The following NHSL1 variants were observed in gnomAD, a reference collection of about 807,000 sequenced individuals.
The protein encoded by NHSL1 is NHS like 1.
A neutral mutation model predicts 95.0 loss-of-function variants in NHSL1; 48 were observed. That is an observed-to-expected ratio of 0.51 (90% CI 0.40 to 0.64). The LOEUF (loss-of-function observed/expected upper bound fraction) is 0.64, where lower values mean the gene tolerates loss of function less well. Among genes scored for constraint, NHSL1 ranks in the 30% least tolerant of loss-of-function variants. The pLI, the probability that NHSL1 is intolerant of heterozygous loss-of-function variation, is 0.00. For missense variants in NHSL1, 1,971 were observed against 2,077.7 expected, an observed-to-expected ratio of 0.95 and a Z score of 1.00; for synonymous variants, 783 against 833.9, an observed-to-expected ratio of 0.94 and a Z score of 1.05.
Position 138,670,029 on chromosome 6 carries a change from G to A in NHSL1, c.96+22447C>T, listed in dbSNP as rs574405213. 3.3e-5 allele frequency among the ~76,000 whole-genome samples: 5 copies of A among 152,318 alleles called. No homozygotes were observed. The South Asian group carries it at 1.0e-3, about 32-fold the overall frequency. ...CCAGCTACTTGGGAGACTGAGGCAG[G>A]AGAACTGCTTGAACCCAGGAGGTGG... is the stretch of plus-strand genomic sequence containing the variant. On this transcript the variant is annotated intron_variant, in intron 1 of 3. Transcript: ENST00000491526.
At chr6:138,489,029 G>A (rs1179774615) in intron 2 of NHSL1, among the ~76,000 whole-genome samples, 2 of 152,192 alleles carry the variant, frequency 1.3e-5, no homozygotes, top group Non-Finnish European at 2.9e-5. Flanking sequence ...TGGATGAAAT[G>A]AACCTGAGTA....
At chr6:138,480,829 C>T (rs1427163775) in intron 2 of NHSL1, among the ~76,000 whole-genome samples, 1 of 152,084 alleles carries the variant, frequency 6.6e-6, no homozygotes, top group Non-Finnish European at 1.5e-5. Context: ...ATTTTTAAAG[C>T]TAATACTACT....
intron 3 of NHSL1, among the ~76,000 whole-genome samples, chr6:138,449,233 A>G (rs1375954873): frequency 6.6e-6 from 1 of 152,234 alleles, no homozygotes; most frequent in Non-Finnish European, 1.5e-5. Flanking sequence ...AGGGCCCTAG[A>G]CTAAGAATCC....
chr6:138,500,287 A>G (rs1780604722), upstream of NHSL1, among the ~76,000 whole-genome samples: 1 of 152,236 alleles, frequency 6.6e-6, no homozygotes, highest in Non-Finnish European at 1.5e-5. Flanking sequence ...TACCATCCAG[A>G]GTGCTGGTTC....
Position 138,588,552 on chromosome 6 carries a change from A to G in NHSL1, c.97-92181T>C, listed in dbSNP as rs556747543. Among the ~76,000 whole-genome samples, 3 of 152,278 alleles carry G rather than the reference A, an allele frequency of 2.0e-5. No homozygotes were observed. In the South Asian group the frequency reaches 6.2e-4, roughly 32 times the overall value. ...AAGTAAAGCCATTTTCCAAGGTCAT[A>G]CCCCTCCAACAGCATGGAGCTTGAA... On this transcript the variant is annotated intron_variant, in intron 1 of 3. Transcript: ENST00000491526.
At chr6:138,507,896 A>G (rs1781039158) in intron 1 of NHSL1, among the ~76,000 whole-genome samples, 2 of 152,210 alleles carry the variant, frequency 1.3e-5, no homozygotes, top group South Asian at 4.1e-4. Context: ...GGGGAACCTT[A>G]GGAGATGATA....
chr6:138,505,652 CA>C (rs10559023), intron 1 of NHSL1, among the ~76,000 whole-genome samples: 36,225 of 87,412 alleles, frequency 0.41, 3,435 homozygotes, highest in East Asian at 0.62. Flanking sequence ...GACTCCATTT[CA>C]AAAAAAAAAA....
At chr6:138,451,290 C>T (rs542799413) in intron 3 of NHSL1, among the ~76,000 whole-genome samples, 1 of 152,288 alleles carries the variant, frequency 6.6e-6, no homozygotes, top group East Asian at 1.9e-4. Flanking sequence ...TGAAATGCTC[C>T]TCCCGTAGAC....
chr6:138,644,101 AACTT>A, intron 1 of NHSL1, among the ~76,000 whole-genome samples: 1 of 152,314 alleles, frequency 6.6e-6, no homozygotes, highest in East Asian at 1.9e-4. Flanking sequence ...TTACAAACAA[AACTT>A]ACTTCTCAAA....
chr6:138,634,557 A>C (rs947001970), intron 1 of NHSL1, among the ~76,000 whole-genome samples: 12 of 152,304 alleles, frequency 7.9e-5, no homozygotes, highest in Non-Finnish European at 1.8e-4. Flanking sequence ...CCAGATATGT[A>C]AATATTATTT....
rs575027708 is a variant in NHSL1 at position 138,447,209 on chromosome 6, A to C, written c.340-16T>G. ...ACAGAGAACACTGCAGAGAAAAAAG[A>C]AGCAGCAGCCACAGTGTATAAAGAG... is the stretch of plus-strand genomic sequence containing the variant. On this transcript the variant is annotated splice_polypyrimidine_tract_variant and intron_variant, in intron 3 of 7. Coordinates refer to ENST00000343505, the MANE Select transcript of NHSL1 (RefSeq NM_001144060.2). 7.9e-5 allele frequency: 122 copies of C among 1,545,126 alleles called. No individual in the cohort carries two copies. The highest frequency in any genetic ancestry group is 4.1e-4 in the South Asian group (34 of 83,770).
At chr6:138,474,953 A>T (rs1489215672) in intron 2 of NHSL1, among the ~76,000 whole-genome samples, 3 of 152,180 alleles carry the variant, frequency 2.0e-5, no homozygotes. Context: ...ATTCAAGACC[A>T]GCCTGACCAA....
chr6:138,433,396 C>T lies in NHSL1; in HGVS notation c.949G>A (p.Asp317Asn), dbSNP rs371308774. ...AGACTATGGAAGCCAGCATCACTGT[C>T]AAGGCGGGAAGGGAATACGATCCCT... ...SAGIVFPSRL[D>N]SDAGFHSLPR... Residue 317 changes from aspartate (D) to asparagine (N), a missense_variant, in exon 6 of 8, where the codon GAC becomes AAC. Physicochemically the swap from Asp to Asn is conservative, Grantham distance 23 (BLOSUM62 1). Around this residue, in one of 3 missense-constraint regions of NHSL1, gnomAD observed 1,602 missense variants for 1,654.5 expected, o/e 0.97. Coordinates refer to ENST00000343505, the MANE Select transcript of NHSL1 (RefSeq NM_001144060.2). 15 of 1,552,192 alleles carry T rather than the reference C, an allele frequency of 9.7e-6. No individual in the cohort carries two copies. In the African/African-American group the frequency reaches 2.1e-4, roughly 21 times the overall value.
chr6:138,563,636 T>C (rs1223400934), intron 1 of NHSL1, among the ~76,000 whole-genome samples: 1 of 152,216 alleles, frequency 6.6e-6, no homozygotes. Flanking sequence ...AATAAATAAA[T>C]TGTACCTGCT....
intron 1 of NHSL1, among the ~76,000 whole-genome samples, chr6:138,619,156 G>A (rs903873502): frequency 7.2e-5 from 11 of 152,174 alleles, no homozygotes; most frequent in Admixed American, 2.0e-4. Context: ...CGGCCAACAT[G>A]GTGAAACCCC....
intron 2 of NHSL1, among the ~76,000 whole-genome samples, chr6:138,482,792 T>C (rs907724264): frequency 2.6e-5 from 4 of 152,120 alleles, no homozygotes; most frequent in Non-Finnish European, 4.4e-5. Flanking sequence ...TCCTAACTTG[T>C]AGCTTGTAAA....
At chr6:138,561,543 C>T (rs1446345018) in intron 1 of NHSL1, among the ~76,000 whole-genome samples, 1 of 152,172 alleles carries the variant, frequency 6.6e-6, no homozygotes, top group Non-Finnish European at 1.5e-5. Flanking sequence ...AGGTTGCTCC[C>T]AGTAACTTCA....
intron 1 of NHSL1, among the ~76,000 whole-genome samples, chr6:138,625,758 C>CAGT (rs1784729571): frequency 6.6e-6 from 1 of 152,070 alleles, no homozygotes; most frequent in East Asian, 1.9e-4. Context: ...CCTCCCACCT[C>CAGT]AGTCTTCCTA....
At chr6:138,518,997 G>A (rs1209642657) in intron 1 of NHSL1, among the ~76,000 whole-genome samples, 1 of 152,060 alleles carries the variant, frequency 6.6e-6, no homozygotes, top group Non-Finnish European at 1.5e-5. Context: ...CAGCCTGGGT[G>A]ACAGAGCAAG....
Sources: gnomAD v4.1 joint callset for allele counts (sites outside exome capture counted in the v4.1 genomes callset) on GRCh38, gnomAD v4.1.1 for gene constraint, gnomAD v4.1.1 regional missense constraint, MANE v1.5 for transcripts, NCBI Gene and HGNC (gene_info 2026-07-23, HGNC 2026-07-21) for gene names.